The following ZFHX3 variants were observed in gnomAD, a reference collection of about 807,000 sequenced individuals.
ZFHX3 encodes the protein zinc finger homeobox protein 3.
Under a neutral mutation model 279.1 loss-of-function variants are expected in ZFHX3, and 42 were observed. The ratio of observed to expected loss-of-function variants is 0.15; its 90% CI spans 0.12 to 0.19. The LOEUF is 0.19. ZFHX3 is among the 10% of genes least tolerant of loss of function. The pLI, the probability that ZFHX3 is intolerant of heterozygous loss-of-function variation, is 1.00. For missense variants in ZFHX3, 4,981 were observed against 4,754.0 expected (o/e 1.05, Z -1.40); for synonymous variants, 2,293 against 1,957.8 (o/e 1.17, Z -4.52).
At chr16:73,484,543 G>A (rs1361751670) in intron 2 of ZFHX3, among the ~76,000 whole-genome samples, 2 of 152,164 alleles carry the variant, frequency 1.3e-5, no homozygotes, top group Non-Finnish European at 2.9e-5. Flanking sequence ...TGTGGGGCAT[G>A]AGTAAATGAG....
chr16:73,359,551 G>C (rs1038548040), intron 3 of ZFHX3, among the ~76,000 whole-genome samples: 1 of 152,212 alleles, frequency 6.6e-6, no homozygotes, highest in Non-Finnish European at 1.5e-5. Flanking sequence ...GAGGTGCCAT[G>C]TTCTTAGGAC....
At chr16:73,690,179 A>C in intron 1 of ZFHX3, among the ~76,000 whole-genome samples, 1 of 152,138 alleles carries the variant, frequency 6.6e-6, no homozygotes, top group East Asian at 1.9e-4. Flanking sequence ...GGCCTCCCAA[A>C]GTGCTGGGAT....
intron 5 of ZFHX3, among the ~76,000 whole-genome samples, chr16:73,165,246 C>T (rs563647004): frequency 6.6e-6 from 1 of 152,218 alleles, no homozygotes; most frequent in African/African-American, 2.4e-5. Context: ...CAAAACACGC[C>T]GGCAGCTGGG....
chr16:72,818,858 G>A (rs2036695700), intron 5 of ZFHX3, among the ~76,000 whole-genome samples: 1 of 152,108 alleles, frequency 6.6e-6, no homozygotes. Flanking sequence ...ACAAAGGTAT[G>A]GCAAGACACA....
chr16:73,246,392 C>A (rs904749544), intron 5 of ZFHX3, among the ~76,000 whole-genome samples: 7 of 152,120 alleles, frequency 4.6e-5, no homozygotes, highest in Non-Finnish European at 8.8e-5. Flanking sequence ...AGGTTTGGAG[C>A]TATGAACACA....
chr16:72,928,965 C>A (rs113386786), intron 3 of ZFHX3, among the ~76,000 whole-genome samples: 1 of 151,716 alleles, frequency 6.6e-6, no homozygotes. Context: ...TGGCTGGGTG[C>A]GGGAGCTCAT....
intron 1 of ZFHX3, among the ~76,000 whole-genome samples, chr16:72,987,686 C>G (rs532908870): frequency 6.6e-6 from 1 of 152,208 alleles, no homozygotes; most frequent in Non-Finnish European, 1.5e-5. Context: ...GAGTATCATT[C>G]GTTTGCCAAA....
chr16:73,242,484 G>A (rs918329134), intron 5 of ZFHX3, among the ~76,000 whole-genome samples: 2 of 152,102 alleles, frequency 1.3e-5, no homozygotes, highest in Admixed American at 6.5e-5. Context: ...TGAGTTTTTC[G>A]TGTCTCTTGA....
intron 3 of ZFHX3, among the ~76,000 whole-genome samples, chr16:72,907,967 G>A (rs1011229142): frequency 6.6e-6 from 1 of 152,008 alleles, no homozygotes; most frequent in Admixed American, 6.6e-5. Context: ...TACAGCATTA[G>A]CCACCGTGCC....
intron 8 of ZFHX3, among the ~76,000 whole-genome samples, chr16:73,091,235 GA>G (rs71692673): frequency 0.024 from 3,356 of 142,206 alleles, 110 homozygotes; most frequent in African/African-American, 0.069. Context: ...AGAAAGCGGG[GA>G]AAAAAAAAAA....
intron 2 of ZFHX3, among the ~76,000 whole-genome samples, chr16:73,493,431 C>A (rs2019086827): frequency 6.6e-6 from 1 of 152,172 alleles, no homozygotes; most frequent in Non-Finnish European, 1.5e-5. Flanking sequence ...AAGAAAGCTT[C>A]ATGTCACAGA....
chr16:72,783,974 C>T lies in ZFHX3; in HGVS notation c.*3190G>A, dbSNP rs1449668429. 1 of 152,234 alleles carries T rather than the reference C, an allele frequency of 6.6e-6. No homozygotes were observed. Among genetic ancestry groups the T allele is most frequent in the African/African-American group, 2.4e-5 (1 of 41,444 alleles). The allele number at this position is 152,234 out of a possible 1,614,324, so 9.4% of individuals were successfully genotyped here. On this transcript the variant is annotated 3_prime_UTR_variant, in exon 10 of 10. Coordinates refer to ENST00000268489, the MANE Select transcript of ZFHX3 (RefSeq NM_006885.4). ...CTCTAATGTTCACCATCACTGACTG[C>T]TTTGCTACTTCTGGGTTAGTGCTGA... is the stretch of plus-strand genomic sequence containing the variant.
chr16:73,427,151 C>T (rs1372527481), intron 3 of ZFHX3, among the ~76,000 whole-genome samples: 6 of 152,068 alleles, frequency 3.9e-5, no homozygotes, highest in African/African-American at 1.4e-4. Flanking sequence ...GAGGGCAAAA[C>T]CTAAAAAGAA....
intron 2 of ZFHX3, among the ~76,000 whole-genome samples, chr16:73,641,013 C>G (rs531554675): frequency 6.6e-6 from 1 of 152,242 alleles, no homozygotes; most frequent in South Asian, 2.1e-4. Flanking sequence ...AGCAGCGGCA[C>G]TGGAAGCTCA....
rs530030455 is a variant in ZFHX3 at position 73,058,487 on chromosome 16, G to T, written c.-24+43C>A. The stretch of plus-strand genomic sequence containing the variant: ...GGGAGGAGGAGGAGGAGCAGGCGGC[G>T]GCGGCGGCGGGAAAAAAAAAAGAGG... On this transcript the variant is annotated intron_variant, in intron 1 of 8. Coordinates refer to the ZFHX3 transcript ENST00000397992. 3.5e-4 allele frequency: 61 copies of T among 175,882 alleles called. No homozygotes were observed. In the South Asian group the frequency reaches 4.9e-3, roughly 14 times the overall value. 10.9% of individuals were successfully genotyped at this position (175,882 alleles called of 1,614,324 possible).
chr16:72,868,140 A>G (rs942404795), intron 4 of ZFHX3, among the ~76,000 whole-genome samples: 1 of 152,260 alleles, frequency 6.6e-6, no homozygotes, highest in East Asian at 1.9e-4. Context: ...CATGAGATAC[A>G]TAAGTAATAC....
At chr16:73,297,832 A>G (rs2014953203) in intron 4 of ZFHX3, among the ~76,000 whole-genome samples, 1 of 151,966 alleles carries the variant, frequency 6.6e-6, no homozygotes, top group African/African-American at 2.4e-5. Flanking sequence ...AGAGTTGTTC[A>G]GCTGAATAAA....
intron 1 of ZFHX3, among the ~76,000 whole-genome samples, chr16:73,751,716 G>C (rs965380229): frequency 3.3e-5 from 5 of 152,164 alleles, no homozygotes; most frequent in African/African-American, 1.2e-4. Flanking sequence ...GAATCATAAA[G>C]TAGGAGCTAT....
At chr16:73,551,987 T>C (rs114507453) in intron 2 of ZFHX3, among the ~76,000 whole-genome samples, 1 of 152,218 alleles carries the variant, frequency 6.6e-6, no homozygotes, top group African/African-American at 2.4e-5. Flanking sequence ...GAGATAATTC[T>C]AGCATAGATG....
Sources: allele counts gnomAD v4.1 joint callset (sites outside exome capture counted in the v4.1 genomes callset), GRCh38; gene constraint gnomAD v4.1.1; transcripts MANE v1.5; gene names NCBI Gene and HGNC (gene_info 2026-07-23, HGNC 2026-07-21).